PKD1: variants seen among roughly 807,000 people sequenced by gnomAD.
The protein encoded by PKD1 is polycystin-1.
PKD1 carries 81 observed loss-of-function variants against 361.7 expected under a neutral mutation model. That is an observed-to-expected ratio of 0.22 (90% confidence interval 0.19 to 0.27). PKD1 has a LOEUF of 0.27. PKD1 is among the 10% of genes least tolerant of loss of function. PKD1 has a pLI of 1.00. For missense variants in PKD1, 6,399 were observed against 6,118.3 expected (o/e 1.05, Z -1.53); for synonymous variants, 3,615 against 2,818.3 (o/e 1.28, Z -8.95).
In PKD1 at chr16:2,116,615, C is replaced by G. The variant is rs550834807; in HGVS notation, c.1636G>C (p.Val546Leu). 1 of 1,556,636 alleles carries G rather than the reference C, an allele frequency of 6.4e-7. No individual in the cohort carries two copies. Among genetic ancestry groups the G allele is most frequent in the Non-Finnish European group, 8.7e-7 (1 of 1,155,280 alleles). The change falls in exon 8 of 46, where the codon GTG (valine) becomes CTG (leucine). Residue 546 changes from valine (V) to leucine (L), a missense_variant. Coordinates refer to ENST00000262304, the MANE Select transcript of PKD1 (RefSeq NM_001009944.3). ...GPVQDAENLL[V>L]GAPSGDLQGP... is the part of the protein sequence containing the mutation. ...TGCAGGTCCCCACTGGGCGCTCCCA[C>G]GAGGAGGTTCTCGGCATCCTGCACT...
At position 2,102,877 on chromosome 16, in the gene PKD1, C is replaced by T. The variant is rs987956866; in HGVS notation, c.8885G>A (p.Arg2962Lys). 1 of 1,610,224 alleles carries T rather than the reference C, an allele frequency of 6.2e-7. No homozygotes were observed. The highest frequency in any genetic ancestry group is 8.5e-7 in the Non-Finnish European group (1 of 1,179,760). ...PNEHNCSASRRIRPESLQGAD... is the reference protein window; with the variant it reads ...PNEHNCSASRKIRPESLQGAD... Reference sequence around the variant, plus strand: ...ACCCTGGAGTGACTCTGGGCGGATCCTCCTGCTAGCCGAGCAGTTGTGCTC... The same window carrying T: ...ACCCTGGAGTGACTCTGGGCGGATCTTCCTGCTAGCCGAGCAGTTGTGCTC... The change falls in exon 24 of 46, where the codon AGG (arginine) becomes AAG (lysine). Residue 2962 changes from arginine (R) to lysine (K), a missense_variant. By Grantham distance (26) the Arg-to-Lys change is conservative. Transcript: ENST00000262304.
intron 1 of PKD1, among the ~76,000 whole-genome samples, chr16:2,130,353 G>A (rs568453386): frequency 3.3e-5 from 5 of 152,152 alleles, no homozygotes; most frequent in African/African-American, 1.2e-4. Flanking sequence ...TTGCCCCTTG[G>A]GGACTCTCTC....
rs201991587 is a variant in PKD1, at chr16:2,109,384, G to C, written c.5783C>G (p.Pro1928Arg). 547 of 1,597,582 alleles carry C rather than the reference G, an allele frequency of 3.4e-4. No homozygotes were observed. Among genetic ancestry groups the C allele is most frequent in the Middle Eastern group, 6.6e-4 (3 of 4,556 alleles). The change falls in exon 15 of 46, where the codon CCC becomes CGC. Residue 1928 changes from proline to arginine, a missense_variant. Pro to Arg is a moderately radical substitution (Grantham distance 103). Transcript: ENST00000262304. Reference sequence around the variant, plus strand: ...GAAACGGGGCCCGGGGAGCACCTCGGGGTTGGCCCCGCCGACCTGCAGGCG... The same window carrying C: ...GAAACGGGGCCCGGGGAGCACCTCGCGGTTGGCCCCGCCGACCTGCAGGCG... ...TFRLQVGGAN[P>R]EVLPGPRFSH... is the part of the protein sequence containing the mutation.
chr16:2,125,582 A>C (rs2092787128), intron 1 of PKD1, among the ~76,000 whole-genome samples: 1 of 152,130 alleles, frequency 6.6e-6, no homozygotes, highest in East Asian at 1.9e-4. Context: ...AACGAGGGAG[A>C]TGAGAAAGGG....
intron 1 of PKD1, chr16:2,119,833 G>A: frequency 2.9e-6 from 2 of 698,784 alleles, no homozygotes; most frequent in South Asian, 3.0e-5. Context: ...AACCAGGTAT[G>A]ACTGTGTGAG....
At chr16:2,116,698 C>A (rs1001623733) in intron 7 of PKD1, 54 bp from the exon 8 acceptor site, 3 of 1,226,892 alleles carry the variant, frequency 2.4e-6, no homozygotes, top group Non-Finnish European at 1.2e-6. Context: ...GACACCAGGA[C>A]GAACAGACTG....
At chr16:2,107,638 G>C (rs1296626298) in intron 16 of PKD1, 1 of 592,072 alleles carries the variant, frequency 1.7e-6, no homozygotes, top group Non-Finnish European at 3.1e-6. Flanking sequence ...CTCACTGTTG[G>C]TATTGCTAGG....
At chr16:2,105,555 G>T in intron 20 of PKD1, 81 bp from the exon 21 acceptor site, 3 of 1,594,866 alleles carry the variant, frequency 1.9e-6, no homozygotes, top group Non-Finnish European at 2.5e-6. Flanking sequence ...CGACTCCCGG[G>T]GTGCAGTTAC....
chr16:2,105,973 T>A lies in PKD1; in HGVS notation c.7755A>T (p.Thr2585=). ...PEPNGSATGL[T]VWLHGLTASV... ...TAGCGGTGAGCCCGTGCAGCCAGAC[T>A]GTGAGCCCCGTTGCGCTGCCGTTGG... Residue 2585 remains threonine (T), a synonymous_variant, in exon 20 of 46, where the codon ACA becomes ACT. Coordinates refer to ENST00000262304, the MANE Select transcript of PKD1 (RefSeq NM_001009944.3). The A allele has an allele frequency of 6.2e-7, 1 of 1,601,584 alleles. No individual in the cohort carries two copies. Among genetic ancestry groups the A allele is most frequent in the Non-Finnish European group, 8.5e-7 (1 of 1,179,610 alleles).
At position 2,132,352 on chromosome 16, in the gene PKD1, G is replaced by A. The variant is rs550155941; in HGVS notation, c.215+3123C>T. ...TGGGAGGCCGAGGTGGGCAGATCAC[G>A]AGGTCAGGAGATCGAGACCATCCTG... On this transcript the variant is annotated intron_variant, in intron 1 of 45. Coordinates refer to ENST00000262304, the MANE Select transcript of PKD1 (RefSeq NM_001009944.3). Among the ~76,000 whole-genome samples, 109 of 151,510 alleles carry A rather than the reference G, an allele frequency of 7.2e-4. 1 individual carries two copies. The highest frequency in any genetic ancestry group is 6.8e-3 in the Middle Eastern group (2 of 292).
chr16:2,088,822 C>T lies in PKD1; in HGVS notation c.*905G>A, dbSNP rs1039330269. On this transcript the variant is annotated 3_prime_UTR_variant, in exon 46 of 46. Coordinates refer to ENST00000262304, the MANE Select transcript of PKD1 (RefSeq NM_001009944.3). ...AAGTGGTACACAGAAGCAGGCACAG[C>T]CAGCTCCGAGGGCCTTGAGGCTGCC... The T allele has an allele frequency of 3.0e-6, 2 of 668,060 alleles. No individual in the cohort carries two copies. Among genetic ancestry groups the T allele is most frequent in the Admixed American group, 3.0e-5 (1 of 33,768 alleles). The allele number at this position is 668,060 out of a possible 1,614,324, so 41.4% of individuals were successfully genotyped here. A position where few individuals can be genotyped will look rare whatever the true frequency, so the allele number is the denominator to read the frequency against.
chr16:2,090,261 T>C (rs1201413022), intron 45 of PKD1, 24 bp downstream of exon 45: 4 of 1,607,056 alleles, frequency 2.5e-6, no homozygotes, highest in Non-Finnish European at 2.5e-6. Context: ...CGTGTCCCTC[T>C]CCCCCCCACT....
Position 2,094,216 on chromosome 16 carries a change from G to A in PKD1, c.10500-6C>T. ...TCTCCCCAGGAGTGCTGGACCTGAGGGACATGGTAGGCTGTGAATTCATCC... is the reference window on the plus strand; with the variant it reads ...TCTCCCCAGGAGTGCTGGACCTGAGAGACATGGTAGGCTGTGAATTCATCC... On this transcript the variant is annotated splice_region_variant and splice_polypyrimidine_tract_variant and intron_variant, in intron 34 of 45. Transcript: ENST00000262304. 2.6e-6 allele frequency: 4 copies of A among 1,532,568 alleles called. No homozygotes were observed. The highest frequency in any genetic ancestry group is 3.6e-6 in the Non-Finnish European group (4 of 1,108,056). The allele number at this position is 1,532,568 out of a possible 1,614,324, so 94.9% of individuals were successfully genotyped here.
rs369180760 is a variant in PKD1 at position 2,112,849 on chromosome 16, T to C, written c.3100A>G (p.Asn1034Asp). The C allele has an allele frequency of 1.7e-5, 28 of 1,605,246 alleles. No homozygotes were observed. The highest frequency in any genetic ancestry group is 6.7e-5 in the Admixed American group (4 of 59,998). ...CCCGCCGTCAGTGCTAGCGTGGCAT[T>C]GGGGGACAGCACGGCCGGCACTGTG... ...VSTVPAVLSP[N>D]ATLALTAGVL... Residue 1034 changes from asparagine (N) to aspartate (D), a missense_variant, in exon 13 of 46, where the codon AAT becomes GAT. Asn to Asp is a conservative substitution (Grantham distance 23). Transcript: ENST00000262304.
Position 2,112,319 on chromosome 16 carries a change from C to T in PKD1, c.3295+21G>A, listed in dbSNP as rs367551326. 1.4e-4 allele frequency: 223 copies of T among 1,580,996 alleles called. No individual in the cohort carries two copies. In the African/African-American group the frequency reaches 2.8e-3, roughly 20 times the overall value. On this transcript the variant is annotated intron_variant, in intron 14 of 45. Transcript: ENST00000262304. The stretch of plus-strand genomic sequence containing the variant: ...CTCAGAGCCTGAAAGGCAGTGGCCC[C>T]CTCACCCCCTCATCCCTCACCTGGG...
rs1166215239 is a variant in PKD1 at position 2,118,275 on chromosome 16, A to C, written c.717T>G (p.Ser239Arg). Residue 239 changes from serine to arginine, a missense_variant, in exon 5 of 46, where the codon AGT becomes AGG. Coordinates refer to ENST00000262304, the MANE Select transcript of PKD1 (RefSeq NM_001009944.3). The surrounding 1 kb of genome is among the most constrained non-coding windows in gnomAD (Gnocchi z 6.0). The part of the protein sequence containing the change: ...WCLCGAAQPS[S>R]ASFACLSLCS... The stretch of plus-strand genomic sequence containing the variant: ...AGAGGGACAGGCAGGCAAAGGAGGC[A>C]CTGGAGGGCTGGGCCGCCCCACACA... The C allele has an allele frequency of 7.8e-6, 12 of 1,532,822 alleles. No individual in the cohort carries two copies. Among genetic ancestry groups the C allele is most frequent in the Admixed American group, 2.0e-5 (1 of 51,070 alleles). 95.0% of individuals were successfully genotyped at this position (1,532,822 alleles called of 1,614,324 possible).
intron 1 of PKD1, among the ~76,000 whole-genome samples, chr16:2,124,381 C>G (rs937140489): frequency 7.2e-5 from 11 of 152,370 alleles, no homozygotes; most frequent in African/African-American, 2.6e-4. Context: ...TGCCCTCCCC[C>G]TGGGCTCTGC....
intron 30 of PKD1, chr16:2,098,913 C>T (rs1243904527): frequency 1.3e-5 from 2 of 149,748 alleles, no homozygotes; most frequent in South Asian, 2.0e-4. Flanking sequence ...TCACTGCAAG[C>T]TCCGCCTCCT....
Position 2,117,996 on chromosome 16 carries a change from G to A in PKD1, c.996C>T (p.His332=), listed in dbSNP as rs773259284. 47 of 1,578,644 alleles carry A rather than the reference G, an allele frequency of 3.0e-5. No homozygotes were observed. The highest frequency in any genetic ancestry group is 8.1e-5 in the African/African-American group (6 of 74,432). The change falls in exon 5 of 46, where the codon CAC becomes CAT. Residue 332 remains histidine, a synonymous_variant. Coordinates refer to ENST00000262304, the MANE Select transcript of PKD1 (RefSeq NM_001009944.3). ...SHRYVLPGRY[H]VTAVLALGAG... The stretch of plus-strand genomic sequence containing the variant: ...CCCCCAGGGCCAGCACGGCCGTCAC[G>A]TGATAGCGCCCAGGCAGCACATAGC...
Sources: gnomAD v4.1 joint callset for allele counts (sites outside exome capture counted in the v4.1 genomes callset) on GRCh38, gnomAD v4.1.1 for gene constraint, Gnocchi (gnomAD v3.1) non-coding constraint, MANE v1.5 for transcripts, NCBI Gene and HGNC (gene_info 2026-07-23, HGNC 2026-07-21) for gene names.